ZZZ3: variants seen among roughly 807,000 people sequenced by gnomAD.
ZZZ3 encodes zinc finger ZZ-type containing 3.
In ZZZ3, 22 loss-of-function variants were observed where a neutral mutation model predicts 95.2. The ratio of observed to expected loss-of-function variants is 0.23; its 90% confidence interval spans 0.17 to 0.33. The LOEUF (loss-of-function observed/expected upper bound fraction) is 0.33, where lower values mean the gene tolerates loss of function less well. ZZZ3 is among the 10% of genes least tolerant of loss of function. ZZZ3 has a pLI of 1.00. For synonymous variants in ZZZ3, 335 were observed against 358.9 expected, an observed-to-expected ratio of 0.93 and a Z score of 0.75; for missense variants, 885 against 1,066.5, an observed-to-expected ratio of 0.83 and a Z score of 2.37.
At chr1:77,667,958 G>A (rs1292110949) in intron 1 of ZZZ3, among the ~76,000 whole-genome samples, 1 of 151,700 alleles carries the variant, frequency 6.6e-6, no homozygotes, top group African/African-American at 2.4e-5. Context: ...AGAGACACAG[G>A]GTTTCGCCAT....
chr1:77,656,668 C>T (rs1352037418), intron 1 of ZZZ3, among the ~76,000 whole-genome samples: 1 of 152,164 alleles, frequency 6.6e-6, no homozygotes, highest in Admixed American at 6.5e-5. Context: ...GTACTGTCTT[C>T]AGAGGGCACA....
intron 6 of ZZZ3, 47 bp downstream of exon 6, chr1:77,584,470 A>G (rs1176379959): frequency 2.6e-6 from 4 of 1,550,980 alleles, no homozygotes; most frequent in Admixed American, 2.2e-5. Flanking sequence ...CTCTTAAGCT[A>G]TTCCCAAATA....
At chr1:77,605,922 C>T (rs1665185444) in intron 5 of ZZZ3, among the ~76,000 whole-genome samples, 2 of 152,116 alleles carry the variant, frequency 1.3e-5, no homozygotes, top group Non-Finnish European at 2.9e-5. Context: ...GCTATGATGG[C>T]TATGGTGAGA....
intron 5 of ZZZ3, among the ~76,000 whole-genome samples, chr1:77,609,317 A>C (rs12026939): frequency 6.6e-6 from 1 of 151,930 alleles, no homozygotes; most frequent in Admixed American, 6.6e-5. Flanking sequence ...TGATGAAGGG[A>C]TCAATTCAGC....
At chr1:77,642,138 G>A (rs746786474) in intron 1 of ZZZ3, among the ~76,000 whole-genome samples, 53 of 152,022 alleles carry the variant, frequency 3.5e-4, no homozygotes, top group Non-Finnish European at 6.3e-4. Flanking sequence ...GAAGTAAACA[G>A]AAAATAAATG....
intron 5 of ZZZ3, among the ~76,000 whole-genome samples, chr1:77,614,118 T>TA (rs1666079864): frequency 6.6e-6 from 1 of 152,202 alleles, no homozygotes; most frequent in Non-Finnish European, 1.5e-5. Context: ...AAATATTTTT[T>TA]AAATATGCTT....
At position 77,582,075 on chromosome 1, in the gene ZZZ3, C is replaced by T. The variant is rs577093122; in HGVS notation, c.1696G>A (p.Val566Ile). Residue 566 changes from valine (V) to isoleucine (I), a missense_variant, in exon 7 of 15, where the codon GTA becomes ATA. Val to Ile is a conservative substitution (Grantham distance 29, BLOSUM62 3). Around this residue, in one of 5 missense-constraint regions of ZZZ3, gnomAD observed 7 missense variants for 29.4 expected, o/e 0.24. Transcript: ENST00000370801. ...PQRVVQLPEI[V>I]WDQYTHSLGN... ...AGGCTATGGGTATATTGGTCCCATA[C>T]GATCTCAGGCAATTGAACAACTCTC... is the stretch of plus-strand genomic sequence containing the variant. 2.5e-5 allele frequency: 40 copies of T among 1,613,150 alleles called. No individual in the cohort carries two copies. The highest frequency in any genetic ancestry group is 5.3e-5 in the African/African-American group (4 of 74,856).
chr1:77,676,221 T>C (rs1231254544), intron 1 of ZZZ3, among the ~76,000 whole-genome samples: 2 of 152,156 alleles, frequency 1.3e-5, no homozygotes, highest in Non-Finnish European at 2.9e-5. Context: ...GGCTGGAGTG[T>C]AGGGGCGCAA....
At chr1:77,575,228 CCACCT>C (rs1033152079) in intron 12 of ZZZ3, among the ~76,000 whole-genome samples, 76 of 152,142 alleles carry the variant, frequency 5.0e-4, no homozygotes, top group Middle Eastern at 3.4e-3. Context: ...AGCAATTATC[CCACCT>C]TTTCTATATG....
intron 5 of ZZZ3, among the ~76,000 whole-genome samples, chr1:77,588,034 A>G (rs895196320): frequency 1.3e-5 from 2 of 152,206 alleles, no homozygotes; most frequent in African/African-American, 2.4e-5. Context: ...TCAACTGTTT[A>G]TGTTATATAG....
At chr1:77,631,762 G>T in intron 5 of ZZZ3, 88 bp downstream of exon 5, 1 of 1,057,018 alleles carries the variant, frequency 9.5e-7, no homozygotes, top group Non-Finnish European at 1.3e-6. Flanking sequence ...ATTAATTTTG[G>T]CTGTAATAAA....
intron 5 of ZZZ3, among the ~76,000 whole-genome samples, chr1:77,604,835 G>A (rs1207763918): frequency 6.6e-6 from 1 of 152,064 alleles, no homozygotes; most frequent in Non-Finnish European, 1.5e-5. Flanking sequence ...AAGAATGCTT[G>A]TCATTGTTTA....
At chr1:77,637,033 C>T (rs908063613) in intron 4 of ZZZ3, among the ~76,000 whole-genome samples, 19 of 152,116 alleles carry the variant, frequency 1.2e-4, no homozygotes, top group Non-Finnish European at 2.4e-4. Flanking sequence ...CTCCTGGAAG[C>T]TTGTTAGAAA....
At chr1:77,638,359 CTT>C (rs749211637) in intron 4 of ZZZ3, among the ~76,000 whole-genome samples, 7 of 152,206 alleles carry the variant, frequency 4.6e-5, no homozygotes, top group Admixed American at 6.5e-5. Context: ...GAAAAACACT[CTT>C]TGAAGCATTA....
rs530987076 is a variant in ZZZ3, at chr1:77,636,290, C to T, written c.-51-2885G>A. ...ACTTCCTTAACCTTTTCTTTCCACA[C>T]CAATCTGAATGGGAGCAAAATTTGC... On this transcript the variant is annotated intron_variant, in intron 4 of 14. Transcript: ENST00000370801. Among the ~76,000 whole-genome samples, 5 of 152,292 alleles carry T rather than the reference C, an allele frequency of 3.3e-5. No individual in the cohort carries two copies. The East Asian group carries it at 9.6e-4, about 29-fold the overall frequency.
chr1:77,649,345 T>C (rs1669591772), intron 1 of ZZZ3, among the ~76,000 whole-genome samples: 2 of 151,752 alleles, frequency 1.3e-5, no homozygotes, highest in South Asian at 4.1e-4. Flanking sequence ...AGGTATATCT[T>C]TGACGTACTG....
chr1:77,596,740 T>C lies in ZZZ3; in HGVS notation c.1506-12085A>G, dbSNP rs147030458. Among the ~76,000 whole-genome samples the C allele has an allele frequency of 2.6e-3, 401 of 152,248 alleles. 2 individuals carry two copies. The highest frequency in any genetic ancestry group is 8.6e-3 in the African/African-American group (358 of 41,562). ...TCACAATTAACAATTCTGATACTGA[T>C]GTCCATATATAATGAAATTAAATAA... is the stretch of plus-strand genomic sequence containing the variant. On this transcript the variant is annotated intron_variant, in intron 5 of 14. Coordinates refer to ENST00000370801, the MANE Select transcript of ZZZ3 (RefSeq NM_015534.6).
intron 5 of ZZZ3, among the ~76,000 whole-genome samples, chr1:77,612,367 T>C (rs1665895868): frequency 6.6e-6 from 1 of 152,010 alleles, no homozygotes; most frequent in Non-Finnish European, 1.5e-5. Flanking sequence ...ACAACCATTA[T>C]ACCAAACAGT....
At chr1:77,680,449 A>G (rs1672650336) in intron 1 of ZZZ3, among the ~76,000 whole-genome samples, 1 of 152,068 alleles carries the variant, frequency 6.6e-6, no homozygotes, top group Non-Finnish European at 1.5e-5. Flanking sequence ...CCTCTTTCCA[A>G]CATCATACCT....
Sources: gnomAD v4.1 joint callset for allele counts (sites outside exome capture counted in the v4.1 genomes callset) on GRCh38, gnomAD v4.1.1 for gene constraint, gnomAD v4.1.1 regional missense constraint, MANE v1.5 for transcripts, NCBI Gene and HGNC (gene_info 2026-07-23, HGNC 2026-07-21) for gene names.